Variants in FGF12 observed in about 807,000 individuals in gnomAD.
FGF12 encodes fibroblast growth factor 12, also known as fibroblast growth factor 12B.
FGF12 carries 14 observed loss-of-function variants against 23.6 expected under a neutral mutation model. That is an observed-to-expected ratio of 0.59 (90% CI 0.39 to 0.93). The LOEUF is 0.93. Ranked by LOEUF, FGF12 falls within the 40% of genes least tolerant of loss-of-function variation. The pLI is 0.00. For missense variants in FGF12, 175 were observed against 217.8 expected (o/e 0.80, Z 1.24); for synonymous variants, 62 against 77.3 (o/e 0.80, Z 1.04).
At chr3:192,562,623 T>G (rs1478619213) in intron 2 of FGF12, among the ~76,000 whole-genome samples, 3 of 152,160 alleles carry the variant, frequency 2.0e-5, no homozygotes, top group Non-Finnish European at 4.4e-5. Context: ...TTATATTATC[T>G]TCAATAAAAC....
intron 2 of FGF12, among the ~76,000 whole-genome samples, chr3:192,454,777 T>A (rs920556306): frequency 3.3e-5 from 5 of 152,272 alleles, no homozygotes; most frequent in African/African-American, 1.2e-4. Context: ...TTACTACAGA[T>A]CTGAGGAGAA....
intron 4 of FGF12, among the ~76,000 whole-genome samples, chr3:192,209,567 T>C (rs889781664): frequency 6.6e-6 from 1 of 152,192 alleles, no homozygotes. Flanking sequence ...ACAAGATGAA[T>C]TAAGGTGAAG....
At chr3:192,648,587 T>C (rs1053044066) in intron 2 of FGF12, among the ~76,000 whole-genome samples, 2 of 152,122 alleles carry the variant, frequency 1.3e-5, no homozygotes, top group Non-Finnish European at 2.9e-5. Flanking sequence ...TTTTCTGGCT[T>C]TTGTTGGTTT....
chr3:192,568,973 G>T (rs79871387), intron 2 of FGF12, among the ~76,000 whole-genome samples: 2 of 152,130 alleles, frequency 1.3e-5, no homozygotes, highest in South Asian at 2.1e-4. Flanking sequence ...GCACACTTAC[G>T]TTGGTTCTCC....
intron 4 of FGF12, among the ~76,000 whole-genome samples, chr3:192,175,829 C>A (rs1035820669): frequency 1.3e-5 from 2 of 152,142 alleles, no homozygotes; most frequent in African/African-American, 4.8e-5. Flanking sequence ...CCCTAGAATG[C>A]TCCCTGACCC....
chr3:192,194,046 T>G (rs1716936687), intron 4 of FGF12, among the ~76,000 whole-genome samples: 1 of 152,222 alleles, frequency 6.6e-6, no homozygotes, highest in African/African-American at 2.4e-5. Flanking sequence ...GCCCTGTATT[T>G]CTGGTCCTAA....
chr3:192,498,739 G>C (rs1724034550), intron 2 of FGF12, among the ~76,000 whole-genome samples: 2 of 152,170 alleles, frequency 1.3e-5, no homozygotes. Flanking sequence ...TCTGGATGTT[G>C]GAGTCCATTA....
At chr3:192,566,632 C>T (rs992191998) in intron 2 of FGF12, among the ~76,000 whole-genome samples, 15 of 152,050 alleles carry the variant, frequency 9.9e-5, no homozygotes, top group African/African-American at 3.6e-4. Flanking sequence ...TCTCTTTGGC[C>T]CATCCCAGTC....
Position 192,336,108 on chromosome 3 carries a change from TAC to T in FGF12, c.125-646_125-645del, listed in dbSNP as rs34991386. Among the ~76,000 whole-genome samples, 28,566 of 143,654 alleles carry T rather than the reference TAC, an allele frequency of 0.2. 2,951 individuals carry two copies. The highest frequency in any genetic ancestry group is 0.27 in the Admixed American group (3,927 of 14,372). The allele number at this position is 143,654 out of a possible 152,430, so 94.2% of individuals were successfully genotyped here. A position where few individuals can be genotyped will look rare whatever the true frequency, so the allele number is the denominator to read the frequency against. On this transcript the variant is annotated intron_variant, in intron 3 of 5. Transcript: ENST00000445105. The surrounding 1 kb of genome is among the most constrained non-coding windows in gnomAD (Gnocchi z 4.3). ...ATATATTTTATATCCAGGTGGGAAA[TAC>T]ACACACACACACACACACACACACA...
chr3:192,417,139 T>A (rs565852807), intron 2 of FGF12, among the ~76,000 whole-genome samples: 13 of 152,216 alleles, frequency 8.5e-5, no homozygotes, highest in Middle Eastern at 3.4e-3. Context: ...AATTGTCTCC[T>A]GGTTGGTTGA....
intron 2 of FGF12, among the ~76,000 whole-genome samples, chr3:192,494,859 T>TATATATATATATATAA (rs1553821378): frequency 1.5e-5 from 2 of 130,430 alleles, no homozygotes; most frequent in African/African-American, 5.6e-5. Context: ...TATATATATA[T>TATATATATATATATAA]AAAATACATT....
chr3:192,649,398 G>A (rs751815519), intron 2 of FGF12, among the ~76,000 whole-genome samples: 13 of 152,154 alleles, frequency 8.5e-5, no homozygotes, highest in Non-Finnish European at 1.5e-4. Context: ...CTCCTTAAGC[G>A]TTCTGCTGCT....
chr3:192,516,131 CCT>C (rs59147475), intron 2 of FGF12, among the ~76,000 whole-genome samples: 14,784 of 152,110 alleles, frequency 0.097, 2,299 homozygotes, highest in African/African-American at 0.33. Flanking sequence ...TCACACACCC[CCT>C]GAGAGTTAAG....
Position 192,140,214 on chromosome 3 carries a change from A to G in FGF12, c.*3795T>C, listed in dbSNP as rs1385982089. ...TTCAGAAGCATATGTATATATACACATATATATTTGTAGAACAATCCACTG... is the reference window on the plus strand; with the variant it reads ...TTCAGAAGCATATGTATATATACACGTATATATTTGTAGAACAATCCACTG... On this transcript the variant is annotated 3_prime_UTR_variant, in exon 6 of 6. Coordinates refer to ENST00000445105, the MANE Select transcript of FGF12 (RefSeq NM_004113.6). 1 of 152,074 alleles carries G rather than the reference A, an allele frequency of 6.6e-6. No homozygotes were observed. Among genetic ancestry groups the G allele is most frequent in the Non-Finnish European group, 1.5e-5 (1 of 67,938 alleles). 9.4% of individuals were successfully genotyped at this position (152,074 alleles called of 1,614,324 possible).
chr3:192,637,336 T>C (rs934090809), intron 2 of FGF12, among the ~76,000 whole-genome samples: 1 of 152,240 alleles, frequency 6.6e-6, no homozygotes, highest in Non-Finnish European at 1.5e-5. Context: ...GCTTAAATTA[T>C]GACCATAAGC....
intron 2 of FGF12, chr3:192,516,594 T>A (rs943059932): frequency 6.6e-6 from 1 of 152,232 alleles, no homozygotes; most frequent in African/African-American, 2.4e-5. Flanking sequence ...AACCAGAACA[T>A]CTGGAGGGCC....
intron 2 of FGF12, among the ~76,000 whole-genome samples, chr3:192,668,012 T>G (rs1716958348): frequency 6.6e-6 from 1 of 152,184 alleles, no homozygotes; most frequent in South Asian, 2.1e-4. Context: ...TATAAAGATG[T>G]TCATCGTTGT....
intron 4 of FGF12, among the ~76,000 whole-genome samples, chr3:192,321,494 T>TAA (rs1285168672): frequency 8.7e-6 from 1 of 115,456 alleles, no homozygotes; most frequent in African/African-American, 3.4e-5. Flanking sequence ...ATAAAGACAT[T>TAA]CAAAAAAAAA....
At chr3:192,227,344 G>A (rs1425641610) in intron 4 of FGF12, among the ~76,000 whole-genome samples, 1 of 152,022 alleles carries the variant, frequency 6.6e-6, no homozygotes, top group African/African-American at 2.4e-5. Flanking sequence ...TCCGTACCCT[G>A]TGCCTCTCAC....
Sources: allele counts gnomAD v4.1 joint callset (sites outside exome capture counted in the v4.1 genomes callset), GRCh38; gene constraint gnomAD v4.1.1; non-coding constraint Gnocchi (gnomAD v3.1); transcripts MANE v1.5; gene names NCBI Gene and HGNC (gene_info 2026-07-23, HGNC 2026-07-21).